The following IAPP variants were observed in gnomAD, a reference collection of about 807,000 sequenced individuals.
IAPP encodes Islet amyloid polypeptide (diabetes-associated peptide; amylin).
A neutral mutation model predicts 2.9 loss-of-function variants in IAPP; 4 were observed. That is an observed-to-expected ratio of 1.39 (90% CI 0.69 to 3.19). The LOEUF (loss-of-function observed/expected upper bound fraction) is 3.19, where lower values mean the gene tolerates loss of function less well. IAPP is among the 30% of genes most tolerant of loss of function. The pLI is 0.01. For missense variants in IAPP, 114 were observed against 105.3 expected (o/e 1.08, Z -0.36); for synonymous variants, 40 against 42.1 (o/e 0.95, Z 0.19).
chr12:21,368,578 T>C (rs1939560223), upstream of IAPP, among the ~76,000 whole-genome samples: 1 of 152,168 alleles, frequency 6.6e-6, no homozygotes, highest in South Asian at 2.1e-4. Flanking sequence ...CAGAGCTATG[T>C]TCTATAAAAT....
chr12:21,356,640 A>C (rs1481935102), intron 1 of IAPP, among the ~76,000 whole-genome samples: 1 of 152,156 alleles, frequency 6.6e-6, no homozygotes, highest in Non-Finnish European at 1.5e-5. Flanking sequence ...ATTCACAGTA[A>C]AGATATGAGT....
chr12:21,361,162 G>A (rs1041097793), intron 1 of IAPP, among the ~76,000 whole-genome samples: 4 of 70,192 alleles, frequency 5.7e-5, no homozygotes, highest in South Asian at 4.8e-4. Flanking sequence ...CACCTCATAC[G>A]GGGGATGCCC....
intron 1 of IAPP, among the ~76,000 whole-genome samples, chr12:21,359,763 T>A (rs1426238164): frequency 2.1e-5 from 3 of 139,750 alleles, no homozygotes; most frequent in African/African-American, 5.4e-5. Flanking sequence ...AAAAAAAAAA[T>A]CAATGGACTT....
At chr12:21,358,245 C>T (rs1464752172) in intron 1 of IAPP, among the ~76,000 whole-genome samples, 2 of 152,116 alleles carry the variant, frequency 1.3e-5, no homozygotes, top group Non-Finnish European at 2.9e-5. Flanking sequence ...TGAAAGTATG[C>T]TGGAAAAAAT....
chr12:21,360,748 C>A lies in IAPP; in HGVS notation c.-16+5735C>A, dbSNP rs77434866. Among the ~76,000 whole-genome samples the A allele has an allele frequency of 6.3e-3, 958 of 152,344 alleles. 28 individuals are homozygous for A. Among genetic ancestry groups the A allele is most frequent in the Admixed American group, 0.036 (558 of 15,306 alleles). ...CACACCAGGAGATTATATCCCGCGG[C>A]TGGCTTGGAGGCTCCCACACCCACG... is the stretch of plus-strand genomic sequence containing the variant. On this transcript the variant is annotated intron_variant, in intron 1 of 2. Coordinates refer to the IAPP transcript ENST00000539393.
intron 1 of IAPP, among the ~76,000 whole-genome samples, chr12:21,362,857 T>C (rs1298760784): frequency 2.0e-5 from 3 of 152,172 alleles, no homozygotes; most frequent in Admixed American, 6.5e-5. Flanking sequence ...ATCCTAAATA[T>C]ATATGCATCC....
intron 1 of IAPP, among the ~76,000 whole-genome samples, chr12:21,363,309 G>A (rs990606711): frequency 2.6e-5 from 4 of 152,108 alleles, no homozygotes; most frequent in Admixed American, 1.3e-4. Flanking sequence ...GGTACATAAC[G>A]AAATGAAGGC....
chr12:21,378,589 T>G lies in IAPP; in HGVS notation c.*163T>G. Reference sequence around the variant, plus strand: ...AGATTGTTTTATATGTAGTACTAACTAAGGTCCCATAATAAAAAGATAGTA... The same window carrying G: ...AGATTGTTTTATATGTAGTACTAACGAAGGTCCCATAATAAAAAGATAGTA... On this transcript the variant is annotated 3_prime_UTR_variant, in exon 3 of 3. Coordinates refer to ENST00000240652, the MANE Select transcript of IAPP (RefSeq NM_000415.3). 1 of 568,420 alleles carries G rather than the reference T, an allele frequency of 1.8e-6. No homozygotes were observed. Among genetic ancestry groups the G allele is most frequent in the Non-Finnish European group, 3.1e-6 (1 of 321,440 alleles). The allele number at this position is 568,420 out of a possible 1,614,324, so 35.2% of individuals were successfully genotyped here.
rs1591900333 is a variant in IAPP, at chr12:21,378,361, A to G, written c.205A>G (p.Thr69Ala). 6.2e-7 allele frequency: 1 copy of G among 1,614,176 alleles called. No individual in the cohort carries two copies. Among genetic ancestry groups the G allele is most frequent in the African/African-American group, 1.3e-5 (1 of 75,060 alleles). The change falls in exon 3 of 3, where the codon ACA becomes GCA. Residue 69 changes from threonine to alanine, a missense_variant. Physicochemically the swap from Thr to Ala is moderately conservative, Grantham distance 58 (BLOSUM62 0). Transcript: ENST00000240652. ...ILSSTNVGSNTYGKRNAVEVL... is the reference protein window; with the variant it reads ...ILSSTNVGSNAYGKRNAVEVL... The stretch of plus-strand genomic sequence containing the variant: ...CTCATCTACCAACGTGGGATCCAAT[A>G]CATATGGCAAGAGGAATGCAGTAGA...
upstream of IAPP, among the ~76,000 whole-genome samples, chr12:21,372,686 A>T (rs1211683792): frequency 6.6e-6 from 1 of 152,214 alleles, no homozygotes; most frequent in African/African-American, 2.4e-5. Context: ...TCTGCTGTGT[A>T]TGACACACCA....
chr12:21,376,317 T>G (rs1303928050), intron 2 of IAPP: 1 of 359,172 alleles, frequency 2.8e-6, no homozygotes, highest in Non-Finnish European at 5.7e-6. Flanking sequence ...TATTACTTTT[T>G]TTGAGATGTT....
At chr12:21,374,677 A>G (rs1940058173) in intron 2 of IAPP, among the ~76,000 whole-genome samples, 1 of 152,230 alleles carries the variant, frequency 6.6e-6, no homozygotes. Flanking sequence ...AGTTTCTGAT[A>G]AGCAGAATAT....
rs1342859020 is a variant in IAPP, at chr12:21,361,912, C to T, written c.-16+6899C>T. Among the ~76,000 whole-genome samples, 4 of 152,074 alleles carry T rather than the reference C, an allele frequency of 2.6e-5. No individual in the cohort carries two copies. The East Asian group carries it at 7.7e-4, about 29-fold the overall frequency. Reference sequence around the variant, plus strand: ...GGACTATGTGAAAAGACCAAATCTACGTCTGATTGGTGTACCTGAAAATGA... The same window carrying T: ...GGACTATGTGAAAAGACCAAATCTATGTCTGATTGGTGTACCTGAAAATGA... On this transcript the variant is annotated intron_variant, in intron 1 of 2. Coordinates refer to the IAPP transcript ENST00000539393.
intron 1 of IAPP, among the ~76,000 whole-genome samples, chr12:21,356,968 T>A (rs1020252473): frequency 2.0e-5 from 3 of 151,594 alleles, no homozygotes; most frequent in African/African-American, 7.3e-5. Context: ...TAATAAAGTC[T>A]CAAATAGCAA....
intron 1 of IAPP, among the ~76,000 whole-genome samples, chr12:21,364,820 C>T (rs1939237995): frequency 6.6e-6 from 1 of 152,074 alleles, no homozygotes; most frequent in Non-Finnish European, 1.5e-5. Flanking sequence ...AATAAAATAC[C>T]TAGGAATCCA....
At chr12:21,365,243 C>G (rs1281032429) in intron 1 of IAPP, among the ~76,000 whole-genome samples, 1 of 152,176 alleles carries the variant, frequency 6.6e-6, no homozygotes, top group Non-Finnish European at 1.5e-5. Flanking sequence ...AATAATACCA[C>G]ACATCTACAA....
chr12:21,361,499 A>C (rs1425924966), intron 1 of IAPP, among the ~76,000 whole-genome samples: 1 of 152,210 alleles, frequency 6.6e-6, no homozygotes, highest in Admixed American at 6.5e-5. Context: ...AAAGGAACAG[A>C]GCTCCTTGCC....
chr12:21,357,000 CA>C (rs1414450543), intron 1 of IAPP, among the ~76,000 whole-genome samples: 1 of 151,134 alleles, frequency 6.6e-6, no homozygotes, highest in African/African-American at 2.4e-5. Context: ...ATATTGACCA[CA>C]AAATAGTAAA....
Position 21,378,305 on chromosome 12 carries a change from T to C in IAPP, c.149T>C (p.Val50Ala). ...CATQRLANFL[V>A]HSSNNFGAIL... ...ACGCAGCGCCTGGCAAATTTTTTAGTTCATTCCAGCAACAACTTTGGTGCC... is the reference window on the plus strand; with the variant it reads ...ACGCAGCGCCTGGCAAATTTTTTAGCTCATTCCAGCAACAACTTTGGTGCC... The change falls in exon 3 of 3, where the codon GTT becomes GCT. Residue 50 changes from valine (V) to alanine (A), a missense_variant. Coordinates refer to ENST00000240652, the MANE Select transcript of IAPP (RefSeq NM_000415.3). The C allele has an allele frequency of 1.2e-6, 2 of 1,614,238 alleles. No individual in the cohort carries two copies. Among genetic ancestry groups the C allele is most frequent in the Non-Finnish European group, 1.7e-6 (2 of 1,180,038 alleles).
Sources: gnomAD v4.1 joint callset for allele counts (sites outside exome capture counted in the v4.1 genomes callset) on GRCh38, gnomAD v4.1.1 for gene constraint, MANE v1.5 for transcripts, NCBI Gene and HGNC (gene_info 2026-07-23, HGNC 2026-07-21) for gene names.